Variants in NCKAP5 observed in about 807,000 individuals in gnomAD.
The protein encoded by NCKAP5 is NCK associated protein 5.
Under a neutral mutation model 167.0 loss-of-function variants are expected in NCKAP5, and 92 were observed. The observed-to-expected ratio is 0.55, with a 90% confidence interval of 0.47 to 0.66. The LOEUF (loss-of-function observed/expected upper bound fraction) is 0.66, where lower values mean the gene tolerates loss of function less well. Ranked by LOEUF, NCKAP5 falls within the 30% of genes least tolerant of loss-of-function variation. The pLI is 0.00. For missense variants in NCKAP5, 2,378 were observed against 2,315.0 expected (o/e 1.03, Z -0.56); for synonymous variants, 891 against 877.4 (o/e 1.02, Z -0.27).
chr2:133,021,031 C>A (rs2078508845), intron 6 of NCKAP5, among the ~76,000 whole-genome samples: 1 of 152,218 alleles, frequency 6.6e-6, no homozygotes, highest in Admixed American at 6.5e-5. Flanking sequence ...CACACACTAA[C>A]CCTCCATTCA....
intron 8 of NCKAP5, among the ~76,000 whole-genome samples, chr2:132,885,881 C>A (rs2148843870): frequency 6.6e-6 from 1 of 152,352 alleles, no homozygotes; most frequent in African/African-American, 2.4e-5. Context: ...ACACAAAAAT[C>A]TGTCCTCTGC....
chr2:132,898,494 G>T (rs1693375982), intron 8 of NCKAP5, among the ~76,000 whole-genome samples: 1 of 152,144 alleles, frequency 6.6e-6, no homozygotes, highest in Non-Finnish European at 1.5e-5. Context: ...TTCCACAAGG[G>T]TTTCAATTTA....
intron 4 of NCKAP5, among the ~76,000 whole-genome samples, chr2:133,233,168 C>T (rs1312728786): frequency 6.6e-6 from 1 of 152,118 alleles, no homozygotes; most frequent in Non-Finnish European, 1.5e-5. Flanking sequence ...GAAAGGCTGA[C>T]AACACAACTC....
chr2:133,357,280 C>CAG (rs1348064086), intron 3 of NCKAP5, among the ~76,000 whole-genome samples: 128 of 127,402 alleles, frequency 1.0e-3, no homozygotes, highest in African/African-American at 3.7e-3. Context: ...GGGTCACACA[C>CAG]ATACACAGAC....
rs1018068480 is a variant in NCKAP5, at chr2:132,857,350, AC to A, written c.807+3141del. Among the ~76,000 whole-genome samples, 35 of 152,298 alleles carry A rather than the reference AC, an allele frequency of 2.3e-4. 1 individual carries two copies. The highest frequency in any genetic ancestry group is 8.2e-4 in the African/African-American group (34 of 41,568). ...CACAATTTATTTTTATAGTTAGACAACTATATTTAATGTGATCACAAATACT... is the reference window on the plus strand; with the variant it reads ...CACAATTTATTTTTATAGTTAGACAATATATTTAATGTGATCACAAATACT... On this transcript the variant is annotated intron_variant, in intron 11 of 19. Coordinates refer to ENST00000409261, the MANE Select transcript of NCKAP5 (RefSeq NM_207363.3).
intron 5 of NCKAP5, among the ~76,000 whole-genome samples, chr2:133,161,780 T>C (rs1419748707): frequency 6.6e-6 from 1 of 152,186 alleles, no homozygotes; most frequent in Non-Finnish European, 1.5e-5. Flanking sequence ...TCCTGAAAGC[T>C]CAGGCCTGTC....
the NCKAP5 span, among the ~76,000 whole-genome samples, chr2:133,617,456 C>T: frequency 5.9e-4 from 86 of 145,896 alleles, no homozygotes; most frequent in Non-Finnish European, 1.1e-3. Context: ...TCAGCAAAGT[C>T]TCAGGATACA....
chr2:133,305,090 G>A (rs1362551241), intron 3 of NCKAP5, among the ~76,000 whole-genome samples: 1 of 152,140 alleles, frequency 6.6e-6, no homozygotes, highest in Non-Finnish European at 1.5e-5. Flanking sequence ...GAAGCCAGTG[G>A]GTGCTGGGAA....
chr2:133,587,907 T>C, the NCKAP5 span, among the ~76,000 whole-genome samples: 3 of 152,214 alleles, frequency 2.0e-5, no homozygotes, highest in Admixed American at 2.0e-4. Context: ...GACAAGACTT[T>C]CCAGTTTCTC....
At chr2:132,712,470 T>C (rs1688953235) in intron 19 of NCKAP5, among the ~76,000 whole-genome samples, 1 of 151,958 alleles carries the variant, frequency 6.6e-6, no homozygotes, top group African/African-American at 2.4e-5. Flanking sequence ...GCTAACACAG[T>C]GAAACCCCGT....
rs573343387 is a variant in NCKAP5, at chr2:133,294,798, A to G, written c.143+8239T>C. Among the ~76,000 whole-genome samples the G allele has an allele frequency of 5.3e-5, 8 of 152,362 alleles. No individual in the cohort carries two copies. In the East Asian group the frequency reaches 1.5e-3, roughly 29 times the overall value. On this transcript the variant is annotated intron_variant, in intron 4 of 19. Coordinates refer to ENST00000409261, the MANE Select transcript of NCKAP5 (RefSeq NM_207363.3). ...TGTTCTTAGAATAAGAATCACATGCAAGCCAGAAAGGAAAGGTAAAATTCC... is the reference window on the plus strand; with the variant it reads ...TGTTCTTAGAATAAGAATCACATGCGAGCCAGAAAGGAAAGGTAAAATTCC...
At chr2:133,117,322 G>T (rs968231601) in intron 6 of NCKAP5, 6 of 152,148 alleles carry the variant, frequency 3.9e-5, no homozygotes, top group Admixed American at 3.9e-4. Context: ...CTTTCAAGTT[G>T]CTGCTTTTCA....
At chr2:132,744,176 C>G (rs955669469) in intron 16 of NCKAP5, among the ~76,000 whole-genome samples, 3 of 151,642 alleles carry the variant, frequency 2.0e-5, no homozygotes, top group African/African-American at 7.2e-5. Flanking sequence ...TAATTTAAAA[C>G]TTTGACCAAT....
At chr2:133,462,860 T>G (rs1246728333) in intron 3 of NCKAP5, among the ~76,000 whole-genome samples, 1 of 152,232 alleles carries the variant, frequency 6.6e-6, no homozygotes, top group African/African-American at 2.4e-5. Flanking sequence ...TGCAATGATT[T>G]ACAAAGTCGT....
chr2:133,674,112 C>T, the NCKAP5 span, among the ~76,000 whole-genome samples: 2 of 152,036 alleles, frequency 1.3e-5, no homozygotes, highest in Non-Finnish European at 2.9e-5. Context: ...TGATTCAGAG[C>T]GAATTCCCAA....
chr2:133,421,598 A>G (rs1383433873), intron 3 of NCKAP5, among the ~76,000 whole-genome samples: 1 of 152,174 alleles, frequency 6.6e-6, no homozygotes, highest in Non-Finnish European at 1.5e-5. Context: ...GATACAAGCC[A>G]TCTCCAAGCC....
At chr2:133,373,480 A>G (rs1394100660) in intron 3 of NCKAP5, among the ~76,000 whole-genome samples, 5 of 152,248 alleles carry the variant, frequency 3.3e-5, no homozygotes, top group African/African-American at 1.2e-4. Flanking sequence ...TCAAAATATC[A>G]GTTCTTTCAA....
At chr2:133,519,198 C>T (rs80350908) in intron 2 of NCKAP5, among the ~76,000 whole-genome samples, 2,605 of 152,232 alleles carry the variant, frequency 0.017, 51 homozygotes, top group Non-Finnish European at 0.028. Flanking sequence ...GGCTCATATT[C>T]CAGCTTAGGC....
chr2:133,642,757 C>T, the NCKAP5 span, among the ~76,000 whole-genome samples: 2 of 152,222 alleles, frequency 1.3e-5, no homozygotes, highest in Admixed American at 6.5e-5. Flanking sequence ...AGAAATCCAA[C>T]TGCAGATGAA....
Sources: gnomAD v4.1 joint callset for allele counts (sites outside exome capture counted in the v4.1 genomes callset) on GRCh38, gnomAD v4.1.1 for gene constraint, MANE v1.5 for transcripts, NCBI Gene and HGNC (gene_info 2026-07-23, HGNC 2026-07-21) for gene names.